The following CNDP2 variants were observed in gnomAD, a reference collection of about 807,000 sequenced individuals.
CNDP2 encodes carnosine dipeptidase 2, also known as cytosolic non-specific dipeptidase.
In CNDP2, 38 loss-of-function variants were observed where a neutral mutation model predicts 55.0. The observed-to-expected ratio is 0.69, with a 90% confidence interval of 0.53 to 0.90. The LOEUF is 0.90. Among genes scored for constraint, CNDP2 ranks in the 40% least tolerant of loss-of-function variants. The probability of loss-of-function intolerance (pLI) is 0.00; values close to 1 mark genes in which losing one functional copy is unlikely to be tolerated. For synonymous variants in CNDP2, 241 were observed against 260.2 expected (o/e 0.93, Z 0.71); for missense variants, 607 against 621.7 (o/e 0.98, Z 0.25).
At chr18:74,501,015 C>A in intron 2 of CNDP2, 1 of 243,718 alleles carries the variant, frequency 4.1e-6, no homozygotes, top group Non-Finnish European at 7.2e-6. Context: ...TTAGGCCAGG[C>A]AGGCCCGGGT....
intron 1 of CNDP2, among the ~76,000 whole-genome samples, chr18:74,496,822 C>G (rs1366921587): frequency 6.6e-6 from 1 of 152,172 alleles, no homozygotes; most frequent in East Asian, 1.9e-4. Context: ...GGCCACACCC[C>G]TCCCCAGGGG....
intron 5 of CNDP2, 91 bp downstream of exon 5, chr18:74,509,019 G>C: frequency 9.4e-7 from 1 of 1,064,824 alleles, no homozygotes; most frequent in South Asian, 1.3e-5. Context: ...AGCTTATAAA[G>C]CTCACAGGAA....
At chr18:74,516,623 CCTCA>C (rs10579374) in intron 9 of CNDP2, 424,411 of 497,136 alleles carry the variant, frequency 0.85, 181,960 homozygotes, top group East Asian at 0.99. Context: ...TGGCCTTTGA[CCTCA>C]CTCACCTCAA....
intron 8 of CNDP2, among the ~76,000 whole-genome samples, chr18:74,514,631 A>G (rs1352122604): frequency 6.6e-6 from 1 of 151,632 alleles, no homozygotes; most frequent in Admixed American, 6.6e-5. Flanking sequence ...TGTGGTATGG[A>G]TGTAAGTTCT....
At chr18:74,499,847 C>A in intron 1 of CNDP2, 35 bp from the exon 2 acceptor site, 1 of 737,276 alleles carries the variant, frequency 1.4e-6, no homozygotes, top group Non-Finnish European at 2.2e-6. Flanking sequence ...GGTGGGGCAA[C>A]AATTTACAAT....
chr18:74,511,100 G>C (rs940302360), intron 6 of CNDP2, 87 bp downstream of exon 6: 1 of 1,160,610 alleles, frequency 8.6e-7, no homozygotes. Flanking sequence ...GGACCCAGAA[G>C]TCAGGTGCAC....
rs1382069092 is a variant in CNDP2 at position 74,519,111 on chromosome 18, T to C, written c.1358+15T>C. 2 of 1,595,008 alleles carry C rather than the reference T, an allele frequency of 1.3e-6. No individual in the cohort carries two copies. The highest frequency in any genetic ancestry group is 2.7e-5 in the African/African-American group (2 of 74,404). ...AAGCTCAACAGGTGAGAGTCCAGGG[T>C]GCGGCCCAGGTTGGCGTCTCCTGCA... On this transcript the variant is annotated intron_variant, in intron 11 of 11. Transcript: ENST00000324262.
intron 9 of CNDP2, chr18:74,516,657 A>T (rs1247181394): frequency 2.3e-6 from 1 of 432,390 alleles, no homozygotes; most frequent in East Asian, 4.2e-5. Flanking sequence ...CCAAACACCA[A>T]CTTTGGACCA....
At chr18:74,499,426 C>G (rs1430570535) in intron 1 of CNDP2, 1 of 152,800 alleles carries the variant, frequency 6.5e-6, no homozygotes, top group East Asian at 1.9e-4. Flanking sequence ...GGACTAAGAT[C>G]ATCAACTTTC....
intron 6 of CNDP2, chr18:74,511,276 A>G: frequency 2.1e-6 from 1 of 478,970 alleles, no homozygotes; most frequent in Non-Finnish European, 3.7e-6. Flanking sequence ...AGCGGCTGAG[A>G]GGAGATTAAA....
chr18:74,516,410 A>G lies in CNDP2; in HGVS notation c.1068+18A>G, dbSNP rs919136628. The G allele has an allele frequency of 5.6e-6, 9 of 1,596,440 alleles. No homozygotes were observed. In the Admixed American group the frequency reaches 1.2e-4, roughly 21 times the overall value. On this transcript the variant is annotated intron_variant, in intron 9 of 11. Transcript: ENST00000324262. ...GCGAGCAGGCATGTGGGGCTGGGACACGGGGTGGGGGCCAAGAGCTACTGT... is the reference window on the plus strand; with the variant it reads ...GCGAGCAGGCATGTGGGGCTGGGACGCGGGGTGGGGGCCAAGAGCTACTGT...
chr18:74,517,486 G>C (rs1224000045), intron 9 of CNDP2: 1 of 152,192 alleles, frequency 6.6e-6, no homozygotes, highest in Admixed American at 6.5e-5. Context: ...AGCACATGTG[G>C]TCAAAGGTCA....
intron 4 of CNDP2, chr18:74,508,318 G>A (rs1979149172): frequency 6.5e-6 from 1 of 153,754 alleles, no homozygotes; most frequent in Non-Finnish European, 1.5e-5. Flanking sequence ...AGTTTTCAGA[G>A]TGATAACTAC....
intron 10 of CNDP2, 90 bp downstream of exon 10, chr18:74,518,730 CG>C: frequency 6.4e-7 from 1 of 1,560,934 alleles, no homozygotes; most frequent in Non-Finnish European, 8.8e-7. Context: ...GTAGCTATGT[CG>C]GGGGCGCTGC....
chr18:74,518,407 T>C lies in CNDP2; in HGVS notation c.1069-92T>C, dbSNP rs1233627167. On this transcript the variant is annotated intron_variant, in intron 9 of 11. Coordinates refer to ENST00000324262, the MANE Select transcript of CNDP2 (RefSeq NM_018235.3). ...TCAGAGGCCGATTGTAAGCTCGCTG[T>C]AGACCCATGATAGCAGACCCGTAGG... is the stretch of plus-strand genomic sequence containing the variant. 5.4e-6 allele frequency: 8 copies of C among 1,476,114 alleles called. No individual in the cohort carries two copies. In the African/African-American group the frequency reaches 8.3e-5, roughly 15 times the overall value. 91.4% of individuals were successfully genotyped at this position (1,476,114 alleles called of 1,614,324 possible).
At chr18:74,498,375 A>G (rs1418006885) in intron 1 of CNDP2, among the ~76,000 whole-genome samples, 2 of 152,154 alleles carry the variant, frequency 1.3e-5, no homozygotes, top group African/African-American at 4.8e-5. Context: ...ATCTAAACAT[A>G]TCTAGACAGA....
intron 4 of CNDP2, 70 bp from the exon 5 acceptor site, chr18:74,508,770 G>A: frequency 2.4e-6 from 3 of 1,263,566 alleles, no homozygotes; most frequent in Admixed American, 1.7e-5. Context: ...TATCAGATGT[G>A]CACCTGAGAC....
chr18:74,501,939 G>A lies in CNDP2; in HGVS notation c.204+467G>A, dbSNP rs549615263. ...GACAGAGTCTCCCTCTGTCGCCCAG[G>A]CTGGAGTGCAGTGGCGTGATCTCGG... On this transcript the variant is annotated intron_variant, in intron 3 of 11. Coordinates refer to ENST00000324262, the MANE Select transcript of CNDP2 (RefSeq NM_018235.3). Among the ~76,000 whole-genome samples the A allele has an allele frequency of 4.6e-5, 7 of 152,018 alleles. No homozygotes were observed. In the South Asian group the frequency reaches 1.5e-3, roughly 32 times the overall value.
intron 1 of CNDP2, among the ~76,000 whole-genome samples, chr18:74,497,062 G>A (rs970548658): frequency 1.3e-5 from 2 of 152,150 alleles, no homozygotes; most frequent in Admixed American, 6.5e-5. Context: ...ATTGGCTTCA[G>A]TTTCCTCATC....
Sources: gnomAD v4.1 joint callset for allele counts (sites outside exome capture counted in the v4.1 genomes callset) on GRCh38, gnomAD v4.1.1 for gene constraint, MANE v1.5 for transcripts, NCBI Gene and HGNC (gene_info 2026-07-23, HGNC 2026-07-21) for gene names.